Variants in ATG7 observed in about 807,000 individuals in gnomAD.
ATG7 encodes autophagy related 7.
In ATG7, 70 loss-of-function variants were observed where a neutral mutation model predicts 82.4. The ratio of observed to expected loss-of-function variants is 0.85; its 90% CI spans 0.70 to 1.04. The LOEUF is 1.04. Ranked by LOEUF, ATG7 falls within the 50% of genes least tolerant of loss-of-function variation. The pLI, the probability that ATG7 is intolerant of heterozygous loss-of-function variation, is 0.00. For missense variants in ATG7, 792 were observed against 864.3 expected, an observed-to-expected ratio of 0.92 and a Z score of 1.05; for synonymous variants, 287 against 313.0, an observed-to-expected ratio of 0.92 and a Z score of 0.88.
chr3:11,468,872 A>C (rs962863430), intron 20 of ATG7, among the ~76,000 whole-genome samples: 2 of 152,174 alleles, frequency 1.3e-5, no homozygotes, highest in Admixed American at 1.3e-4. Context: ...CCCTGAGTGG[A>C]CCTAATGTAT....
At position 11,337,530 on chromosome 3, in the gene ATG7, G is replaced by A. The variant is rs147634446; in HGVS notation, c.890-3115G>A. Reference sequence around the variant, plus strand: ...ATTTAATTTGGTGTATGTCTTATAGGTATAGATTATATGGATGCAGGTATG... The same window carrying A: ...ATTTAATTTGGTGTATGTCTTATAGATATAGATTATATGGATGCAGGTATG... On this transcript the variant is annotated intron_variant, in intron 11 of 20. Transcript: ENST00000693202. Among the ~76,000 whole-genome samples, 534 of 151,784 alleles carry A rather than the reference G, an allele frequency of 3.5e-3. 2 individuals carry two copies. Among genetic ancestry groups the A allele is most frequent in the Middle Eastern group, 0.014 (4 of 294 alleles).
In ATG7 at chr3:11,331,449, TTGTC is replaced by T. The variant is rs775367722; in HGVS notation, c.767+32_767+35del. 13 of 1,538,560 alleles carry T rather than the reference TTGTC, an allele frequency of 8.4e-6. 1 individual carries two copies. In the East Asian group the frequency reaches 2.5e-4, roughly 29 times the overall value. The stretch of plus-strand genomic sequence containing the variant: ...AGATGGTATTTACAAGAGTGTGTGT[TTGTC>T]TGTCTGTCTGCCTTTGCCAGTATAT... On this transcript the variant is annotated intron_variant, in intron 10 of 20. Coordinates refer to ENST00000693202, the MANE Select transcript of ATG7 (RefSeq NM_001349232.2).
intron 19 of ATG7, among the ~76,000 whole-genome samples, chr3:11,403,745 G>A (rs1190702191): frequency 6.6e-6 from 1 of 152,154 alleles, no homozygotes; most frequent in Non-Finnish European, 1.5e-5. Flanking sequence ...ATGACCCTGA[G>A]GTCGAAGTAT....
At chr3:11,295,696 AG>A (rs1298111334) in intron 3 of ATG7, among the ~76,000 whole-genome samples, 1 of 151,800 alleles carries the variant, frequency 6.6e-6, no homozygotes, top group African/African-American at 2.4e-5. Flanking sequence ...TACTGCTTAG[AG>A]TTGGTAGATA....
At chr3:11,534,621 G>A (rs1307206811) in intron 20 of ATG7, among the ~76,000 whole-genome samples, 5 of 152,264 alleles carry the variant, frequency 3.3e-5, no homozygotes, top group Non-Finnish European at 7.3e-5. Context: ...CTGTGCTAAG[G>A]GGAGCTGCCA....
chr3:11,462,847 TTA>T (rs2086461982), intron 20 of ATG7, among the ~76,000 whole-genome samples: 1 of 23,636 alleles, frequency 4.2e-5, no homozygotes, highest in African/African-American at 1.4e-4. Context: ...ATATTTTTAT[TTA>T]TTTATTTATT....
Position 11,362,901 on chromosome 3 carries a change from T to C in ATG7, c.1772T>C (p.Met591Thr). 6.2e-7 allele frequency: 1 copy of C among 1,613,978 alleles called. No homozygotes were observed. Residue 591 changes from methionine to threonine, a missense_variant, in exon 17 of 21, where the codon ATG becomes ACG. Met to Thr is a moderately conservative substitution (Grantham distance 81). Transcript: ENST00000693202. Reference protein sequence around the residue: ...VIAGALAVELMVSVLQHPEGG... With the variant: ...VIAGALAVELTVSVLQHPEGG... ...GCAGGAGCCCTGGCCGTGGAATTGA[T>C]GGTATCTGTTTTGCAGCATCCAGAA...
chr3:11,328,228 C>G (rs1951147520), intron 9 of ATG7, among the ~76,000 whole-genome samples: 2 of 152,176 alleles, frequency 1.3e-5, no homozygotes, highest in Non-Finnish European at 2.9e-5. Flanking sequence ...TCATTTAATC[C>G]TCACTACAGC....
intron 5 of ATG7, among the ~76,000 whole-genome samples, chr3:11,301,282 G>A (rs912231806): frequency 2.0e-5 from 3 of 152,148 alleles, no homozygotes; most frequent in African/African-American, 7.2e-5. Flanking sequence ...GGGCCTTTAA[G>A]ATTATTGAGA....
At chr3:11,476,496 C>T (rs532388856) in intron 20 of ATG7, among the ~76,000 whole-genome samples, 2 of 148,830 alleles carry the variant, frequency 1.3e-5, no homozygotes, top group East Asian at 4.1e-4. Flanking sequence ...TCAATTAGAA[C>T]CTTGTATCAG....
intron 20 of ATG7, among the ~76,000 whole-genome samples, chr3:11,444,528 A>G (rs2084331747): frequency 6.6e-6 from 1 of 152,134 alleles, no homozygotes; most frequent in African/African-American, 2.4e-5. Flanking sequence ...TAAGTTATTT[A>G]TCTCATACTA....
rs780295246 is a variant in ATG7 at position 11,538,352 on chromosome 3, C to T, written c.2080-16459C>T. ...TTGGCAAAACACCCTTTTGCCAGAC[C>T]TAATTGCCAGAAGCTGCAGTGGAAA... On this transcript the variant is annotated intron_variant, in intron 20 of 20. Transcript: ENST00000693202. 2.1e-4 allele frequency among the ~76,000 whole-genome samples: 32 copies of T among 152,254 alleles called. 1 individual carries two copies. The highest frequency in any genetic ancestry group is 8.3e-4 in the South Asian group (4 of 4,818).
chr3:11,349,063 G>A (rs1009460679), intron 14 of ATG7, among the ~76,000 whole-genome samples: 1 of 152,126 alleles, frequency 6.6e-6, no homozygotes, highest in African/African-American at 2.4e-5. Flanking sequence ...TTTACAGAGT[G>A]CTGATTGGTG....
intron 20 of ATG7, among the ~76,000 whole-genome samples, chr3:11,500,625 G>T (rs1036502524): frequency 6.6e-6 from 1 of 152,144 alleles, no homozygotes; most frequent in Non-Finnish European, 1.5e-5. Context: ...ACAGTGCTTA[G>T]GAAAATTCTT....
intron 20 of ATG7, among the ~76,000 whole-genome samples, chr3:11,489,012 G>C (rs1162360923): frequency 6.6e-6 from 1 of 151,974 alleles, no homozygotes; most frequent in Non-Finnish European, 1.5e-5. Context: ...GGTAGAATTC[G>C]GCTGTGAATC....
intron 20 of ATG7, among the ~76,000 whole-genome samples, chr3:11,494,896 A>C (rs1475615460): frequency 6.6e-6 from 1 of 152,034 alleles, no homozygotes; most frequent in Non-Finnish European, 1.5e-5. Flanking sequence ...ACATGGTGAA[A>C]CCCCGTCTGT....
intron 8 of ATG7, among the ~76,000 whole-genome samples, chr3:11,314,611 C>T (rs952143192): frequency 6.6e-6 from 1 of 152,046 alleles, no homozygotes; most frequent in Non-Finnish European, 1.5e-5. Context: ...AAAAAACAAA[C>T]AGCACATTGC....
chr3:11,364,719 G>A lies in ATG7; in HGVS notation c.1860G>A (p.Gly620=), dbSNP rs769351153. ...DRMNEPPTSL[G]LVPHQIRGFL... is the part of the protein sequence containing the mutation. Reference sequence around the variant, plus strand: ...TGAATGAGCCTCCAACCTCTCTTGGGCTTGTGCCTCACCAGGTTAGTGATG... The same window carrying A: ...TGAATGAGCCTCCAACCTCTCTTGGACTTGTGCCTCACCAGGTTAGTGATG... Residue 620 remains glycine, a synonymous_variant, in exon 18 of 21, where the codon GGG becomes GGA. Transcript: ENST00000693202. 3 of 1,614,004 alleles carry A rather than the reference G, an allele frequency of 1.9e-6. No individual in the cohort carries two copies. In the African/African-American group the frequency reaches 4.0e-5, roughly 22 times the overall value.
At chr3:11,378,027 A>ACTTTTTTTTTTTTTT (rs2077556246) in intron 18 of ATG7, among the ~76,000 whole-genome samples, 1 of 92,742 alleles carries the variant, frequency 1.1e-5, no homozygotes, top group Admixed American at 1.5e-4. Flanking sequence ...CCAGTTACCA[A>ACTTTTTTTTTTTTTT]TTTTTTTTTT....
Sources: gnomAD v4.1 joint callset for allele counts (sites outside exome capture counted in the v4.1 genomes callset) on GRCh38, gnomAD v4.1.1 for gene constraint, MANE v1.5 for transcripts, NCBI Gene and HGNC (gene_info 2026-07-23, HGNC 2026-07-21) for gene names.